The following TLR8 variants were observed in gnomAD, a reference collection of about 807,000 sequenced individuals.
The protein encoded by TLR8 is toll-like receptor 8.
In TLR8, 5 loss-of-function variants were observed where a neutral mutation model predicts 18.5. The ratio of observed to expected loss-of-function variants is 0.27; its 90% CI spans 0.14 to 0.57. TLR8 has a LOEUF of 0.57. Ranked by LOEUF, TLR8 falls within the 20% of genes least tolerant of loss-of-function variation. The pLI, the probability that TLR8 is intolerant of heterozygous loss-of-function variation, is 0.92. For missense variants in TLR8, 543 were observed against 769.8 expected (o/e 0.71, Z 3.49); for synonymous variants, 299 against 300.1 (o/e 1.00, Z 0.04).
intron 1 of TLR8, among the ~76,000 whole-genome samples, chrX:12,911,391 T>C (rs749626036): frequency 4.5e-5 from 5 of 112,034 alleles, no homozygotes; most frequent in Non-Finnish European, 9.4e-5. Context: ...CTAGCAATTC[T>C]TGATGCTCTC....
Position 12,920,196 on chromosome X carries a change from G to C in TLR8, c.1156G>C (p.Asp386His), listed in dbSNP as rs1353244897. 8.3e-7 allele frequency: 1 copy of C among 1,210,716 alleles called. No individual in the cohort carries two copies. Among genetic ancestry groups the C allele is most frequent in the Non-Finnish European group, 1.1e-6 (1 of 894,800 alleles). The change falls in exon 2 of 2, where the codon GAT (aspartate) becomes CAT (histidine). Residue 386 changes from aspartate to histidine, a missense_variant. Transcript: ENST00000218032. ...TGTGTTCCAGGAACTCAGAGAAGAT[G>C]ATTTCCAGCCCCTGATGCAGCTTCC... ...GYVFQELRED[D>H]FQPLMQLPNL...
rs766470317 is a variant in TLR8 at position 12,919,173 on chromosome X, G to A, written c.133G>A (p.Val45Ile). Reference protein sequence around the residue: ...PCDEKKQNDSVIAECSNRRLQ... With the variant: ...PCDEKKQNDSIIAECSNRRLQ... ...TGATGAGAAAAAGCAAAATGACTCA[G>A]TTATTGCAGAGTGCAGCAATCGTCG... is the stretch of plus-strand genomic sequence containing the variant. Residue 45 changes from valine to isoleucine, a missense_variant, in exon 2 of 2, where the codon GTT (valine) becomes ATT (isoleucine). This residue lies in a region of TLR8 where 117 missense variants were observed against 111.0 expected (regional missense o/e 1.05). Transcript: ENST00000218032. The A allele has an allele frequency of 2.1e-5, 25 of 1,210,578 alleles. No homozygotes were observed. The Admixed American group carries it at 5.2e-4, about 25-fold the overall frequency.
chrX:12,915,223 C>T (rs1449698339), intron 1 of TLR8, among the ~76,000 whole-genome samples: 1 of 111,254 alleles, frequency 9.0e-6, no homozygotes, highest in Admixed American at 9.5e-5. Flanking sequence ...GAGTGCAGTG[C>T]GCAATCATGG....
chrX:12,920,070 T>C lies in TLR8; in HGVS notation c.1030T>C (p.Leu344=). ...GCTGCCCCGCTTAGAAATACTTGAC[T>C]TGTCTTTTAACTATATAAAGGGGAG... is the stretch of plus-strand genomic sequence containing the variant. ...TMLPRLEILD[L]SFNYIKGSYP... Residue 344 remains leucine, a synonymous_variant, in exon 2 of 2, where the codon TTG becomes CTG. Coordinates refer to ENST00000218032, the MANE Select transcript of TLR8 (RefSeq NM_138636.5). The C allele has an allele frequency of 8.3e-7, 1 of 1,210,335 alleles. No homozygotes were observed. Among genetic ancestry groups the C allele is most frequent in the Non-Finnish European group, 1.1e-6 (1 of 894,866 alleles).
intron 1 of TLR8, among the ~76,000 whole-genome samples, chrX:12,914,621 C>G (rs762934703): frequency 2.6e-4 from 29 of 111,751 alleles, no homozygotes; most frequent in African/African-American, 9.4e-4. Context: ...CTCTCCCTCA[C>G]AACCTCTACC....
At chrX:12,908,072 G>A (rs1346725887) in intron 1 of TLR8, 1 of 111,035 alleles carries the variant, frequency 9.0e-6, no homozygotes, top group African/African-American at 3.3e-5. Flanking sequence ...GGGGCCCGGT[G>A]GCTCACGCCT....
chrX:12,915,481 T>A (rs1316184154), intron 1 of TLR8, among the ~76,000 whole-genome samples: 1 of 112,806 alleles, frequency 8.9e-6, no homozygotes, highest in Non-Finnish European at 1.9e-5. Context: ...TGGTCTTTAC[T>A]CAAGTCCCTG....
rs2043105468 is a variant in TLR8, at chrX:12,922,800, A to C, written c.*634A>C. On this transcript the variant is annotated 3_prime_UTR_variant, in exon 2 of 2. Coordinates refer to ENST00000218032, the MANE Select transcript of TLR8 (RefSeq NM_138636.5). ...TTGTGAATATCAGGAGGCAGGGATC[A>C]CTGTGGACCATCTTAGCAGTTGACC... The C allele has an allele frequency of 8.9e-6, 1 of 112,140 alleles. No homozygotes were observed. The highest frequency in any genetic ancestry group is 3.7e-4 in the South Asian group (1 of 2,729). The allele number at this position is 112,140 out of a possible 1,213,427, so 9.2% of individuals were successfully genotyped here. A position where few individuals can be genotyped will look rare whatever the true frequency, so the allele number is the denominator to read the frequency against.
chrX:12,907,402 A>T (rs754385461), intron 1 of TLR8, among the ~76,000 whole-genome samples: 31 of 112,698 alleles, frequency 2.8e-4, no homozygotes. Flanking sequence ...TTTTTAAATG[A>T]TACATTTTCT....
Position 12,919,914 on chromosome X carries a change from C to T in TLR8, c.874C>T (p.Leu292=), listed in dbSNP as rs1035927942. The change falls in exon 2 of 2, where the codon CTA becomes TTA. Residue 292 remains leucine, a synonymous_variant. Transcript: ENST00000218032. ...TCAAAACTTGACCCAACTTCGATAC[C>T]TAAACCTCTCTAGCACTTCCCTCAG... ...AFQNLTQLRY[L]NLSSTSLRKI... The T allele has an allele frequency of 8.3e-7, 1 of 1,209,320 alleles. No homozygotes were observed. The highest frequency in any genetic ancestry group is 1.1e-6 in the Non-Finnish European group (1 of 894,847).
At position 12,915,964 on chromosome X, in the gene TLR8, C is replaced by T. The variant is rs180715770; in HGVS notation, c.4-3080C>T. Among the ~76,000 whole-genome samples, 375 of 110,647 alleles carry T rather than the reference C, an allele frequency of 3.4e-3. 3 individuals carry two copies. Among genetic ancestry groups the T allele is most frequent in the African/African-American group, 0.012 (356 of 30,303 alleles). ...TGGTGTGATCCTGGCTCACCACAAC[C>T]TCTGCCTCCTGGGTTCAAGTGATTC... On this transcript the variant is annotated intron_variant, in intron 1 of 1. Transcript: ENST00000218032.
chrX:12,912,913 G>A (rs1374920727), intron 1 of TLR8, among the ~76,000 whole-genome samples: 5 of 111,750 alleles, frequency 4.5e-5, no homozygotes, highest in African/African-American at 1.6e-4. Flanking sequence ...GTATGAAATA[G>A]AATTGGATTT....
intron 1 of TLR8, among the ~76,000 whole-genome samples, chrX:12,916,169 G>C (rs2043054198): frequency 8.9e-6 from 1 of 111,834 alleles, no homozygotes; most frequent in Non-Finnish European, 1.9e-5. Context: ...ATCTTCCCCA[G>C]TTGCCTTGAC....
intron 1 of TLR8, among the ~76,000 whole-genome samples, chrX:12,912,551 T>C (rs182758052): frequency 7.0e-5 from 8 of 113,635 alleles, no homozygotes; most frequent in Admixed American, 5.5e-4. Flanking sequence ...GCACGGAATA[T>C]AGAAGGTGGA....
At chrX:12,914,838 C>G (rs1359262935) in intron 1 of TLR8, among the ~76,000 whole-genome samples, 1 of 111,802 alleles carries the variant, frequency 8.9e-6, no homozygotes, top group East Asian at 2.8e-4. Context: ...GCTCACATCA[C>G]TTCTCAGATG....
At chrX:12,916,299 AATTCATAT>A (rs1266541423) in intron 1 of TLR8, among the ~76,000 whole-genome samples, 1 of 112,032 alleles carries the variant, frequency 8.9e-6, no homozygotes, top group Non-Finnish European at 1.9e-5. Flanking sequence ...ACTGGGAGCC[AATTCATAT>A]ATTGTGAGTG....
intron 1 of TLR8, among the ~76,000 whole-genome samples, chrX:12,909,892 A>G (rs1415062790): frequency 8.9e-6 from 1 of 111,869 alleles, no homozygotes; most frequent in Non-Finnish European, 1.9e-5. Flanking sequence ...TGAGGATTAA[A>G]CAAATGCTCC....
At chrX:12,916,398 T>C (rs181365543) in intron 1 of TLR8, among the ~76,000 whole-genome samples, 1 of 111,958 alleles carries the variant, frequency 8.9e-6, no homozygotes, top group African/African-American at 3.2e-5. Flanking sequence ...AATCTAGCAA[T>C]GTTGGAACTT....
chrX:12,906,843 C>A (rs917959675), intron 1 of TLR8, 134 bp downstream of exon 1: 1 of 518,296 alleles, frequency 1.9e-6, no homozygotes, highest in South Asian at 9.5e-5. Context: ...AATTAAAGAT[C>A]GAAACAACTG....
Sources: allele counts gnomAD v4.1 joint callset (sites outside exome capture counted in the v4.1 genomes callset), GRCh38; gene constraint gnomAD v4.1.1; regional missense constraint gnomAD v4.1.1; transcripts MANE v1.5; gene names NCBI Gene and HGNC (gene_info 2026-07-23, HGNC 2026-07-21).